AMOTL1: variants seen among roughly 807,000 people sequenced by gnomAD.
AMOTL1 encodes the protein angiomotin like 1, also known as angiomotin-like protein 1.
Under a neutral mutation model 102.9 loss-of-function variants are expected in AMOTL1, and 45 were observed. That is an observed-to-expected ratio of 0.44 (90% CI 0.34 to 0.56). The LOEUF is 0.56. AMOTL1 is among the 20% of genes least tolerant of loss of function. The pLI is 0.01. For missense variants in AMOTL1, 1,114 were observed against 1,225.6 expected, an observed-to-expected ratio of 0.91 and a Z score of 1.36; for synonymous variants, 481 against 484.7, an observed-to-expected ratio of 0.99 and a Z score of 0.10.
chr11:94,716,592 C>G (rs1366560314), intron 1 of AMOTL1, among the ~76,000 whole-genome samples: 1 of 152,036 alleles, frequency 6.6e-6, no homozygotes, highest in Non-Finnish European at 1.5e-5. Context: ...AATAGTCTAC[C>G]TTGTTCTTCT....
chr11:94,742,233 A>G (rs1158679504), intron 3 of AMOTL1, among the ~76,000 whole-genome samples: 1 of 152,250 alleles, frequency 6.6e-6, no homozygotes, highest in Non-Finnish European at 1.5e-5. Flanking sequence ...ATTTTATGAA[A>G]TGAAAGTGAC....
intron 2 of AMOTL1, among the ~76,000 whole-genome samples, chr11:94,740,703 C>T (rs1028422790): frequency 2.0e-5 from 3 of 151,960 alleles, no homozygotes; most frequent in African/African-American, 7.2e-5. Context: ...CGCCTGACCG[C>T]GCCTGGAAGC....
At chr11:94,870,412 T>C (rs757695465) in intron 12 of AMOTL1, among the ~76,000 whole-genome samples, 8 of 152,206 alleles carry the variant, frequency 5.3e-5, no homozygotes, top group African/African-American at 1.2e-4. Context: ...ATGCACCTGA[T>C]AGTTTTGAGT....
At chr11:94,722,893 G>C (rs923332326) in intron 1 of AMOTL1, among the ~76,000 whole-genome samples, 1 of 152,282 alleles carries the variant, frequency 6.6e-6, no homozygotes, top group East Asian at 1.9e-4. Flanking sequence ...GAGATAAGGT[G>C]ATTTGTCCTG....
At chr11:94,800,424 A>C (rs771480601) in intron 3 of AMOTL1, 113 bp downstream of exon 3, 23 of 1,207,684 alleles carry the variant, frequency 1.9e-5, no homozygotes, top group Non-Finnish European at 2.5e-5. Context: ...TTTTTTCCTT[A>C]TGCATGATAT....
chr11:94,834,984 C>T (rs1331201923), intron 6 of AMOTL1, among the ~76,000 whole-genome samples: 2 of 152,148 alleles, frequency 1.3e-5, no homozygotes, highest in African/African-American at 2.4e-5. Context: ...CTGAAGTGGA[C>T]ATGAAACAGG....
chr11:94,709,395 GC>G (rs1949984954), intron 1 of AMOTL1, among the ~76,000 whole-genome samples: 1 of 152,018 alleles, frequency 6.6e-6, no homozygotes, highest in African/African-American at 2.4e-5. Context: ...TGCAGTGTTT[GC>G]CAATTTTCAT....
intron 7 of AMOTL1, among the ~76,000 whole-genome samples, chr11:94,852,295 A>T (rs1952556728): frequency 6.6e-6 from 1 of 152,254 alleles, no homozygotes; most frequent in East Asian, 1.9e-4. Flanking sequence ...TCTCCATTTT[A>T]TTCCAGTGGC....
At chr11:94,775,523 T>C (rs1325690344) in intron 1 of AMOTL1, among the ~76,000 whole-genome samples, 2 of 152,188 alleles carry the variant, frequency 1.3e-5, no homozygotes, top group African/African-American at 4.8e-5. Flanking sequence ...AGATGTGATC[T>C]GGCCCACATC....
chr11:94,748,502 G>C lies in AMOTL1; in HGVS notation c.136+7514G>C, dbSNP rs527381107. 2.0e-4 allele frequency among the ~76,000 whole-genome samples: 31 copies of C among 152,310 alleles called. No individual in the cohort carries two copies. The South Asian group carries it at 6.4e-3, about 32-fold the overall frequency. ...TCAGAGAATAGCTGGGTAGGGTACA[G>C]GGAGAAAGAGATGCTGGATGACTAG... On this transcript the variant is annotated intron_variant, in intron 3 of 4. Transcript: ENST00000299004.
chr11:94,775,122 A>AT (rs1194762953), intron 1 of AMOTL1, among the ~76,000 whole-genome samples: 4 of 152,258 alleles, frequency 2.6e-5, no homozygotes, highest in African/African-American at 9.6e-5. Flanking sequence ...AAAGAGCTTC[A>AT]TAAGAAGTGA....
chr11:94,730,079 G>T (rs558991840), intron 2 of AMOTL1, among the ~76,000 whole-genome samples: 2 of 152,256 alleles, frequency 1.3e-5, no homozygotes, highest in East Asian at 1.9e-4. Context: ...ACTGTCATTT[G>T]TTCCTGTGCA....
intron 4 of AMOTL1, among the ~76,000 whole-genome samples, chr11:94,825,035 T>C (rs1237537374): frequency 6.6e-6 from 1 of 152,212 alleles, no homozygotes; most frequent in Non-Finnish European, 1.5e-5. Context: ...AATGTTGGAA[T>C]GATGGTCGAG....
At chr11:94,749,242 G>A (rs913136565) in intron 3 of AMOTL1, among the ~76,000 whole-genome samples, 3 of 152,202 alleles carry the variant, frequency 2.0e-5, no homozygotes, top group Non-Finnish European at 4.4e-5. Flanking sequence ...CCACTGGTGC[G>A]AGTACTGGAG....
chr11:94,818,114 A>C lies in AMOTL1; in HGVS notation c.1122-3416A>C, dbSNP rs116940897. The stretch of plus-strand genomic sequence containing the variant: ...GTTCAATAAGAATCTTTTTCTTTGT[A>C]ATAGGACACAATTGGAGACACTGGT... On this transcript the variant is annotated intron_variant, in intron 3 of 12. Transcript: ENST00000433060. 2.7e-3 allele frequency among the ~76,000 whole-genome samples: 417 copies of C among 152,318 alleles called. 1 individual carries two copies. Among genetic ancestry groups the C allele is most frequent in the Non-Finnish European group, 4.6e-3 (314 of 68,024 alleles).
At chr11:94,791,116 G>A (rs1362286792) in intron 1 of AMOTL1, among the ~76,000 whole-genome samples, 1 of 152,180 alleles carries the variant, frequency 6.6e-6, no homozygotes, top group Non-Finnish European at 1.5e-5. Flanking sequence ...AGAAAAGCAA[G>A]CCAAAAAAGC....
At chr11:94,753,548 A>G (rs369291419) in intron 3 of AMOTL1, among the ~76,000 whole-genome samples, 3 of 152,322 alleles carry the variant, frequency 2.0e-5, no homozygotes, top group East Asian at 1.9e-4. Flanking sequence ...TCTTAAAACA[A>G]TCCTGTAAGA....
chr11:94,748,064 T>C (rs1591925794), intron 3 of AMOTL1, among the ~76,000 whole-genome samples: 2 of 152,314 alleles, frequency 1.3e-5, no homozygotes, highest in South Asian at 2.1e-4. Context: ...GCTCAAACCA[T>C]TATGACTGAG....
intron 6 of AMOTL1, among the ~76,000 whole-genome samples, chr11:94,840,847 C>T (rs1343603427): frequency 1.3e-5 from 2 of 151,668 alleles, no homozygotes; most frequent in African/African-American, 2.4e-5. Context: ...TCAATTAAGA[C>T]ATTATTTACA....
Sources: allele counts gnomAD v4.1 joint callset (sites outside exome capture counted in the v4.1 genomes callset), GRCh38; gene constraint gnomAD v4.1.1; transcripts MANE v1.5; gene names NCBI Gene and HGNC (gene_info 2026-07-23, HGNC 2026-07-21).